LYPLA1: variants seen among roughly 807,000 people sequenced by gnomAD.
LYPLA1 encodes the protein acyl-protein thioesterase 1.
Under a neutral mutation model 34.0 loss-of-function variants are expected in LYPLA1, and 17 were observed. The observed-to-expected ratio is 0.50, with a 90% CI of 0.34 to 0.75. LYPLA1 has a LOEUF of 0.75. Among genes scored for constraint, LYPLA1 ranks in the 30% least tolerant of loss-of-function variants. The pLI is 0.01. For synonymous variants in LYPLA1, 98 were observed against 100.8 expected (o/e 0.97, Z 0.17); for missense variants, 203 against 288.8 (o/e 0.70, Z 2.15).
intron 2 of LYPLA1, among the ~76,000 whole-genome samples, chr8:54,074,770 C>A (rs954090210): frequency 3.9e-5 from 6 of 152,352 alleles, no homozygotes; most frequent in African/African-American, 1.4e-4. Flanking sequence ...CTCTCTTTGG[C>A]AAATGGATGT....
At chr8:54,072,934 C>CAAAAAA (rs59257354) in intron 2 of LYPLA1, among the ~76,000 whole-genome samples, 3 of 91,728 alleles carry the variant, frequency 3.3e-5, no homozygotes, top group Non-Finnish European at 5.6e-5. Context: ...AAGACTGAAT[C>CAAAAAA]AAAAAAAAAA....
chr8:54,063,247 A>C, intron 4 of LYPLA1, 81 bp downstream of exon 4: 1 of 869,868 alleles, frequency 1.1e-6, no homozygotes, highest in Non-Finnish European at 1.7e-6. Flanking sequence ...GCTAAATAAA[A>C]ACTGCTGTAC....
chr8:54,075,863 G>C (rs1242257054), intron 2 of LYPLA1, among the ~76,000 whole-genome samples: 1 of 152,186 alleles, frequency 6.6e-6, no homozygotes, highest in Non-Finnish European at 1.5e-5. Context: ...TATTTGTTTA[G>C]GAAGATTGCA....
chr8:54,049,728 C>T (rs756154868), intron 8 of LYPLA1, among the ~76,000 whole-genome samples: 2 of 152,178 alleles, frequency 1.3e-5, no homozygotes, highest in Admixed American at 1.3e-4. Flanking sequence ...AGGTCTTTCT[C>T]TGATCCCACT....
chr8:54,087,229 A>G (rs980670076), intron 2 of LYPLA1, among the ~76,000 whole-genome samples: 14 of 152,234 alleles, frequency 9.2e-5, no homozygotes, highest in Admixed American at 9.2e-4. Context: ...GTATATTTCT[A>G]TACACTAGCA....
rs756015912 is a variant in LYPLA1 at position 54,063,392 on chromosome 8, AAAC to A, written c.168-20_168-18del. 1.3e-5 allele frequency: 20 copies of A among 1,503,398 alleles called. No individual in the cohort carries two copies. Among genetic ancestry groups the A allele is most frequent in the Middle Eastern group, 1.8e-4 (1 of 5,494 alleles). 93.1% of individuals were successfully genotyped at this position (1,503,398 alleles called of 1,614,324 possible). On this transcript the variant is annotated intron_variant, in intron 3 of 8. Coordinates refer to ENST00000316963, the MANE Select transcript of LYPLA1 (RefSeq NM_006330.4). ...CTAACAGGCCTACATGGAAAAGAAA[AAAC>A]AACAAAATCAGAATAACAAAGCATA... is the stretch of plus-strand genomic sequence containing the variant.
intron 2 of LYPLA1, among the ~76,000 whole-genome samples, chr8:54,096,126 G>A (rs1809663600): frequency 6.6e-6 from 1 of 152,160 alleles, no homozygotes; most frequent in African/African-American, 2.4e-5. Context: ...CTGTAATGAG[G>A]CAACACGCCT....
chr8:54,054,860 A>C, intron 6 of LYPLA1, 200 bp downstream of exon 6: 1 of 479,480 alleles, frequency 2.1e-6, no homozygotes, highest in Non-Finnish European at 3.7e-6. Context: ...ATTTAATTAC[A>C]TGTGTACATG....
chr8:54,095,364 G>A (rs933464317), intron 2 of LYPLA1, among the ~76,000 whole-genome samples: 3 of 151,888 alleles, frequency 2.0e-5, no homozygotes, highest in Admixed American at 6.6e-5. Context: ...TAAGATATTC[G>A]GCAACTACCA....
chr8:54,057,348 G>T (rs1388975786), intron 5 of LYPLA1, among the ~76,000 whole-genome samples: 1 of 152,086 alleles, frequency 6.6e-6, no homozygotes, highest in Non-Finnish European at 1.5e-5. Flanking sequence ...ATATTGAAGA[G>T]ATATCTGTAC....
At chr8:54,089,146 C>A (rs112553232) in intron 2 of LYPLA1, among the ~76,000 whole-genome samples, 11 of 152,228 alleles carry the variant, frequency 7.2e-5, no homozygotes, top group African/African-American at 2.6e-4. Context: ...AATAGTTGAA[C>A]AACTCTGTAA....
chr8:54,094,469 T>C (rs1809530541), intron 2 of LYPLA1, among the ~76,000 whole-genome samples: 1 of 152,112 alleles, frequency 6.6e-6, no homozygotes, highest in Non-Finnish European at 1.5e-5. Flanking sequence ...GAATTACAAA[T>C]ATGGAAAGGG....
At chr8:54,075,148 A>G (rs1291977633) in intron 2 of LYPLA1, among the ~76,000 whole-genome samples, 2 of 152,250 alleles carry the variant, frequency 1.3e-5, no homozygotes, top group East Asian at 3.8e-4. Context: ...TGAACCTAGC[A>G]TTATTAACTT....
At chr8:54,085,379 C>T (rs866943103) in intron 2 of LYPLA1, among the ~76,000 whole-genome samples, 18 of 152,312 alleles carry the variant, frequency 1.2e-4, no homozygotes, top group African/African-American at 2.4e-4. Flanking sequence ...CCCAAAGTGC[C>T]GAGATTGCAG....
chr8:54,063,333 A>G lies in LYPLA1; in HGVS notation c.210T>C (p.Pro70=). 6.6e-7 allele frequency: 1 copy of G among 1,517,982 alleles called. No homozygotes were observed. Among genetic ancestry groups the G allele is most frequent in the Non-Finnish European group, 8.9e-7 (1 of 1,127,054 alleles). The allele number at this position is 1,517,982 out of a possible 1,614,324, so 94.0% of individuals were successfully genotyped here. A position where few individuals can be genotyped will look rare whatever the true frequency, so the allele number is the denominator to read the frequency against. The change falls in exon 4 of 9, where the codon CCT becomes CCC. Residue 70 remains proline, a synonymous_variant. Transcript: ENST00000316963. Reference sequence around the variant, plus strand: ...ATAAGTAAATTCTTACTTACCATGAAGGCATAGCCACGTTCATATTTAATG... The same window carrying G: ...ATAAGTAAATTCTTACTTACCATGAGGGCATAGCCACGTTCATATTTAATG... ...PVTLNMNVAM[P]SWFDIIGLSP...
chr8:54,058,228 A>G (rs561673016), intron 5 of LYPLA1, among the ~76,000 whole-genome samples: 3 of 152,186 alleles, frequency 2.0e-5, no homozygotes, highest in African/African-American at 7.2e-5. Context: ...AAAACCATTC[A>G]TTCTATTGTT....
At chr8:54,097,068 T>A (rs113502488) in intron 2 of LYPLA1, among the ~76,000 whole-genome samples, 3 of 152,220 alleles carry the variant, frequency 2.0e-5, no homozygotes, top group Non-Finnish European at 1.5e-5. Flanking sequence ...CAAGCAATTA[T>A]CAATGGATGA....
intron 2 of LYPLA1, among the ~76,000 whole-genome samples, chr8:54,074,286 C>T (rs1807728251): frequency 6.6e-6 from 1 of 152,176 alleles, no homozygotes; most frequent in Non-Finnish European, 1.5e-5. Context: ...ATTAAAAAGA[C>T]TGTTTCTTTA....
chr8:54,089,170 T>C (rs756064532), intron 2 of LYPLA1, among the ~76,000 whole-genome samples: 1 of 152,190 alleles, frequency 6.6e-6, no homozygotes, highest in Non-Finnish European at 1.5e-5. Flanking sequence ...AACTAACTAC[T>C]GAACTGTATA....
Sources: gnomAD v4.1 joint callset for allele counts (sites outside exome capture counted in the v4.1 genomes callset) on GRCh38, gnomAD v4.1.1 for gene constraint, MANE v1.5 for transcripts, NCBI Gene and HGNC (gene_info 2026-07-23, HGNC 2026-07-21) for gene names.